The following CPQ variants were observed in gnomAD, a reference collection of about 807,000 sequenced individuals.
CPQ encodes the protein carboxypeptidase Q, also known as Ser-Met dipeptidase.
Under a neutral mutation model 45.7 loss-of-function variants are expected in CPQ, and 37 were observed. The observed-to-expected ratio is 0.81, with a 90% CI of 0.62 to 1.07. The LOEUF (loss-of-function observed/expected upper bound fraction) is 1.07, where lower values mean the gene tolerates loss of function less well. Ranked by LOEUF, CPQ falls within the 50% of genes least tolerant of loss-of-function variation. CPQ has a pLI of 0.00. For synonymous variants in CPQ, 186 were observed against 205.8 expected, an observed-to-expected ratio of 0.90 and a Z score of 0.82; for missense variants, 537 against 572.9, an observed-to-expected ratio of 0.94 and a Z score of 0.64.
At chr8:97,059,636 G>T (rs1810513064) in intron 6 of CPQ, among the ~76,000 whole-genome samples, 1 of 152,172 alleles carries the variant, frequency 6.6e-6, no homozygotes, top group Admixed American at 6.6e-5. Context: ...CATGTTAGTT[G>T]TTTGAGCTGA....
chr8:96,832,782 T>A (rs1811477234), intron 2 of CPQ, among the ~76,000 whole-genome samples: 1 of 152,106 alleles, frequency 6.6e-6, no homozygotes, highest in Admixed American at 6.6e-5. Context: ...TCTGTATAGG[T>A]AGGCAGACTT....
intron 1 of CPQ, among the ~76,000 whole-genome samples, chr8:96,706,957 C>T (rs1352365894): frequency 6.6e-6 from 1 of 152,126 alleles, no homozygotes; most frequent in East Asian, 1.9e-4. Flanking sequence ...ATAAAGCCCA[C>T]AGCTTGATTC....
In CPQ at chr8:97,063,903, G is replaced by T. The variant is rs182958529; in HGVS notation, c.1054-2106G>T. Among the ~76,000 whole-genome samples the T allele has an allele frequency of 2.0e-5, 3 of 152,202 alleles. No homozygotes were observed. In the East Asian group the frequency reaches 5.8e-4, roughly 29 times the overall value. On this transcript the variant is annotated intron_variant, in intron 6 of 7. Coordinates refer to ENST00000220763, the MANE Select transcript of CPQ (RefSeq NM_016134.4). ...ATAATTTGAAGTTGGGTAACGTGAT[G>T]CCTCCAGCTTTGTTCTTCTTGCTTA...
intron 1 of CPQ, among the ~76,000 whole-genome samples, chr8:96,760,034 C>T (rs1563490013): frequency 6.6e-6 from 1 of 152,158 alleles, no homozygotes; most frequent in East Asian, 1.9e-4. Flanking sequence ...CCCAGGTTTC[C>T]CTGATTTCAG....
chr8:97,066,916 CTTTTT>C (rs752150876), intron 7 of CPQ, among the ~76,000 whole-genome samples: 3 of 60,358 alleles, frequency 5.0e-5, no homozygotes, highest in African/African-American at 5.8e-5. Flanking sequence ...CTGGAACAGT[CTTTTT>C]TTTTTTTTTT....
At chr8:96,918,427 C>A (rs1210366883) in intron 4 of CPQ, among the ~76,000 whole-genome samples, 2 of 151,680 alleles carry the variant, frequency 1.3e-5, no homozygotes, top group Non-Finnish European at 2.9e-5. Flanking sequence ...TTTTTAAATC[C>A]TGGGACCAAT....
At chr8:96,785,358 G>T (rs1810754552) in intron 2 of CPQ, 28 bp downstream of exon 2, 1 of 1,528,052 alleles carries the variant, frequency 6.5e-7, no homozygotes, top group Non-Finnish European at 8.8e-7. Flanking sequence ...AGTTTGATTT[G>T]TATTTTATAA....
At chr8:96,799,301 A>C (rs1215055068) in intron 2 of CPQ, among the ~76,000 whole-genome samples, 1 of 152,218 alleles carries the variant, frequency 6.6e-6, no homozygotes, top group African/African-American at 2.4e-5. Context: ...TACTTCAAGC[A>C]CATCTAGCAA....
chr8:96,859,031 G>A (rs1449716701), intron 3 of CPQ, among the ~76,000 whole-genome samples: 1 of 152,030 alleles, frequency 6.6e-6, no homozygotes, highest in Admixed American at 6.6e-5. Context: ...CTCTTTGTAT[G>A]CCTAATATTT....
chr8:97,080,624 A>T (rs1473260117), intron 7 of CPQ, among the ~76,000 whole-genome samples: 2 of 152,200 alleles, frequency 1.3e-5, no homozygotes, highest in African/African-American at 4.8e-5. Context: ...CTAACCTAAC[A>T]TTCTTACATA....
At chr8:96,943,306 C>T (rs535683983) in intron 4 of CPQ, among the ~76,000 whole-genome samples, 5 of 152,246 alleles carry the variant, frequency 3.3e-5, no homozygotes, top group African/African-American at 1.2e-4. Context: ...GATGCGTGTA[C>T]ACAATAATTA....
In CPQ at chr8:97,078,952, T is replaced by G. The variant is rs12542769; in HGVS notation, c.1255+12742T>G. Among the ~76,000 whole-genome samples, 21 of 152,058 alleles carry G rather than the reference T, an allele frequency of 1.4e-4. No individual in the cohort carries two copies. In the South Asian group the frequency reaches 4.1e-3, roughly 30 times the overall value. On this transcript the variant is annotated intron_variant, in intron 7 of 7. Transcript: ENST00000220763. ...AGCTAGGACTACAGGCTGGCGCCAT[T>G]GTGCCCAGCTAATTTTTTTAAAATT...
rs1401274219 is a variant in CPQ at position 96,815,698 on chromosome 8, C to G, written c.434-19275C>G. Reference sequence around the variant, plus strand: ...AAATTCCTTGAGGACTAGGCAATGTCTCTATCATTTAGATTCTTCTAGGTA... The same window carrying G: ...AAATTCCTTGAGGACTAGGCAATGTGTCTATCATTTAGATTCTTCTAGGTA... On this transcript the variant is annotated intron_variant, in intron 2 of 7. Coordinates refer to ENST00000220763, the MANE Select transcript of CPQ (RefSeq NM_016134.4). Among the ~76,000 whole-genome samples the G allele has an allele frequency of 2.0e-5, 3 of 152,000 alleles. No homozygotes were observed. In the South Asian group the frequency reaches 6.2e-4, roughly 32 times the overall value.
chr8:96,664,182 G>C (rs1808889533), intron 1 of CPQ, among the ~76,000 whole-genome samples: 1 of 152,134 alleles, frequency 6.6e-6, no homozygotes, highest in Non-Finnish European at 1.5e-5. Flanking sequence ...TTCCTATTTG[G>C]TAAAGAGAAG....
At chr8:97,007,890 G>C (rs1352529641) in intron 5 of CPQ, among the ~76,000 whole-genome samples, 1 of 152,206 alleles carries the variant, frequency 6.6e-6, no homozygotes, top group Non-Finnish European at 1.5e-5. Context: ...GCTATAGTCT[G>C]TTAGGAAACA....
At chr8:96,995,468 G>A (rs1454449452) in intron 5 of CPQ, among the ~76,000 whole-genome samples, 1 of 151,912 alleles carries the variant, frequency 6.6e-6, no homozygotes, top group Non-Finnish European at 1.5e-5. Context: ...CATATAGTTT[G>A]AATGGATTGC....
intron 7 of CPQ, among the ~76,000 whole-genome samples, chr8:97,080,011 T>C (rs1810918036): frequency 6.6e-6 from 1 of 152,174 alleles, no homozygotes; most frequent in Non-Finnish European, 1.5e-5. Flanking sequence ...GGCACAATCC[T>C]AGCCACTGGG....
chr8:96,775,833 G>A (rs1294151368), intron 1 of CPQ, among the ~76,000 whole-genome samples: 2 of 152,112 alleles, frequency 1.3e-5, no homozygotes, highest in Non-Finnish European at 2.9e-5. Context: ...ATGGTGACAA[G>A]TAAAAGTGCT....
intron 7 of CPQ, among the ~76,000 whole-genome samples, chr8:97,113,231 TG>T (rs1811526888): frequency 6.6e-6 from 1 of 152,092 alleles, no homozygotes; most frequent in African/African-American, 2.4e-5. Flanking sequence ...GACCTTTTTT[TG>T]TTTTTGAGAC....
Sources: allele counts gnomAD v4.1 joint callset (sites outside exome capture counted in the v4.1 genomes callset), GRCh38; gene constraint gnomAD v4.1.1; transcripts MANE v1.5; gene names NCBI Gene and HGNC (gene_info 2026-07-23, HGNC 2026-07-21).